Variants in DZIP3 observed in about 807,000 individuals in gnomAD.
DZIP3 encodes DAZ interacting zinc finger protein 3, also known as E3 ubiquitin-protein ligase DZIP3.
Under a neutral mutation model 162.0 loss-of-function variants are expected in DZIP3, and 118 were observed. The observed-to-expected ratio is 0.73, with a 90% CI of 0.63 to 0.85. The LOEUF is 0.85. Among genes scored for constraint, DZIP3 ranks in the 40% least tolerant of loss-of-function variants. DZIP3 has a pLI of 0.00. For synonymous variants in DZIP3, 438 were observed against 458.6 expected (o/e 0.96, Z 0.57); for missense variants, 1,331 against 1,407.0 (o/e 0.95, Z 0.86).
chr3:108,660,945 A>G (rs992371101), intron 19 of DZIP3, among the ~76,000 whole-genome samples: 24 of 152,230 alleles, frequency 1.6e-4, no homozygotes, highest in African/African-American at 5.3e-4. Context: ...ATACCATCTC[A>G]CACCAGTTAG....
chr3:108,680,771 A>G (rs1411611419), intron 26 of DZIP3, among the ~76,000 whole-genome samples: 1 of 152,170 alleles, frequency 6.6e-6, no homozygotes, highest in Non-Finnish European at 1.5e-5. Context: ...GACCAATGGA[A>G]CAGAACAGAA....
chr3:108,621,932 G>A (rs1941372833), intron 5 of DZIP3, among the ~76,000 whole-genome samples: 1 of 151,686 alleles, frequency 6.6e-6, no homozygotes, highest in Non-Finnish European at 1.5e-5. Flanking sequence ...CCATAAAAAA[G>A]CACAAGATTC....
chr3:108,638,761 T>A (rs1355704458), intron 12 of DZIP3, among the ~76,000 whole-genome samples: 1 of 152,246 alleles, frequency 6.6e-6, no homozygotes, highest in Non-Finnish European at 1.5e-5. Context: ...TTATCCAGTC[T>A]GTTGTTTTCT....
chr3:108,616,053 A>G (rs1274070009), intron 4 of DZIP3, among the ~76,000 whole-genome samples: 1 of 152,208 alleles, frequency 6.6e-6, no homozygotes, highest in Non-Finnish European at 1.5e-5. Context: ...TCACGAGGTC[A>G]GGAGACCAAG....
intron 19 of DZIP3, among the ~76,000 whole-genome samples, chr3:108,659,803 A>T (rs1310569348): frequency 6.6e-6 from 1 of 152,224 alleles, no homozygotes; most frequent in Non-Finnish European, 1.5e-5. Context: ...CAGGATATAA[A>T]ATCAATGTGC....
chr3:108,620,809 T>TTTTTG (rs771436801), intron 5 of DZIP3, among the ~76,000 whole-genome samples: 11 of 151,988 alleles, frequency 7.2e-5, no homozygotes, highest in Non-Finnish European at 1.3e-4. Flanking sequence ...AAGATCATTG[T>TTTTTG]TTTTGTTTTG....
chr3:108,625,272 A>G (rs2107567076), intron 6 of DZIP3, among the ~76,000 whole-genome samples: 1 of 152,294 alleles, frequency 6.6e-6, no homozygotes, highest in South Asian at 2.1e-4. Flanking sequence ...GTGATTCCCC[A>G]AAAGAGTTTA....
intron 5 of DZIP3, among the ~76,000 whole-genome samples, chr3:108,622,662 C>T (rs115634871): frequency 0.019 from 2,889 of 152,134 alleles, 99 homozygotes; most frequent in African/African-American, 0.066. Context: ...GATTTAAGTC[C>T]TTGGTCACTG....
intron 21 of DZIP3, among the ~76,000 whole-genome samples, chr3:108,667,200 G>T (rs1943720117): frequency 6.6e-6 from 1 of 151,752 alleles, no homozygotes; most frequent in African/African-American, 2.4e-5. Flanking sequence ...AAGAAAAATA[G>T]TAGAGAAAAT....
At chr3:108,632,662 A>G (rs926531353) in intron 8 of DZIP3, among the ~76,000 whole-genome samples, 21 of 152,280 alleles carry the variant, frequency 1.4e-4, no homozygotes, top group Non-Finnish European at 4.4e-5. Flanking sequence ...GTGTTATGCT[A>G]TGAGTTAGAT....
chr3:108,619,079 A>G (rs1028409165), intron 5 of DZIP3, among the ~76,000 whole-genome samples: 9 of 151,088 alleles, frequency 6.0e-5, no homozygotes, highest in African/African-American at 2.2e-4. Flanking sequence ...AAAAAAAAAA[A>G]AAAAAAAGAA....
At chr3:108,616,240 G>A (rs1940999513) in intron 4 of DZIP3, among the ~76,000 whole-genome samples, 1 of 150,198 alleles carries the variant, frequency 6.7e-6, no homozygotes, top group Admixed American at 6.6e-5. Flanking sequence ...CTCCAGCCAG[G>A]GCGACAGAGC....
chr3:108,629,271 C>T (rs1941723309), intron 8 of DZIP3, 95 bp downstream of exon 8: 5 of 825,450 alleles, frequency 6.1e-6, no homozygotes, highest in South Asian at 3.8e-5. Context: ...TTTATTGGCA[C>T]ATAACTTTTT....
intron 5 of DZIP3, among the ~76,000 whole-genome samples, chr3:108,617,681 A>G (rs1941093462): frequency 6.6e-6 from 1 of 152,248 alleles, no homozygotes; most frequent in Non-Finnish European, 1.5e-5. Flanking sequence ...TAGGGTTCTT[A>G]CAGGGTGAGT....
intron 31 of DZIP3, 121 bp downstream of exon 31, chr3:108,689,045 C>T (rs1345772542): frequency 4.3e-6 from 4 of 930,136 alleles, no homozygotes; most frequent in African/African-American, 3.3e-5. Flanking sequence ...TAACTCTGAG[C>T]TTTTGGGTAC....
rs188588647 is a variant in DZIP3, at chr3:108,689,761, G to A, written c.3516+837G>A. Among the ~76,000 whole-genome samples, 382 of 152,250 alleles carry A rather than the reference G, an allele frequency of 2.5e-3. 2 individuals are homozygous for A. Among genetic ancestry groups the A allele is most frequent in the African/African-American group, 8.7e-3 (362 of 41,542 alleles). ...TGGCATTTATATAGATTAAATTCTG[G>A]TGTTACTGCCACACAGTTGCTATTG... is the stretch of plus-strand genomic sequence containing the variant. On this transcript the variant is annotated intron_variant, in intron 31 of 32. Transcript: ENST00000361582.
intron 21 of DZIP3, among the ~76,000 whole-genome samples, chr3:108,665,408 C>G (rs1943625353): frequency 6.6e-6 from 1 of 151,802 alleles, no homozygotes; most frequent in African/African-American, 2.4e-5. Flanking sequence ...ATAGAATGAA[C>G]TCAATCTGAA....
At chr3:108,622,190 C>CA (rs2107553588) in intron 5 of DZIP3, among the ~76,000 whole-genome samples, 1 of 152,012 alleles carries the variant, frequency 6.6e-6, no homozygotes, top group African/African-American at 2.4e-5. Context: ...CAAGTGAACT[C>CA]AAAAAAATAG....
chr3:108,648,521 G>A (rs554347851), intron 16 of DZIP3: 5 of 162,756 alleles, frequency 3.1e-5, no homozygotes, highest in East Asian at 3.7e-4. Flanking sequence ...TGGAATCTCC[G>A]TATTTCTTTA....
Sources: allele counts gnomAD v4.1 joint callset (sites outside exome capture counted in the v4.1 genomes callset), GRCh38; gene constraint gnomAD v4.1.1; transcripts MANE v1.5; gene names NCBI Gene and HGNC (gene_info 2026-07-23, HGNC 2026-07-21).